The following INPP4A variants were observed in gnomAD, a reference collection of about 807,000 sequenced individuals.
INPP4A encodes the protein inositol polyphosphate-4-phosphatase, type I, 107kD.
INPP4A carries 33 observed loss-of-function variants against 119.8 expected under a neutral mutation model. The ratio of observed to expected loss-of-function variants is 0.28; its 90% CI spans 0.21 to 0.37. The LOEUF (loss-of-function observed/expected upper bound fraction) is 0.37. Ranked by LOEUF, INPP4A falls within the 10% of genes least tolerant of loss-of-function variation. INPP4A has a pLI of 1.00. For missense variants in INPP4A, 956 were observed against 1,289.9 expected, an observed-to-expected ratio of 0.74 and a Z score of 3.97; for synonymous variants, 496 against 500.7, an observed-to-expected ratio of 0.99 and a Z score of 0.12.
rs1173310435 is a variant in INPP4A at position 98,572,860 on chromosome 2, G to A, written c.2564G>A (p.Arg855Gln). Residue 855 changes from arginine to glutamine, a missense_variant, in exon 23 of 25, where the codon CGG (arginine) becomes CAG (glutamine). Transcript: ENST00000409851. ...CAGACGTGCCTGCCAGAGCTGCTGCGGTTTCTGGGTCAGAACGTGCATGCC... is the reference window on the plus strand; with the variant it reads ...CAGACGTGCCTGCCAGAGCTGCTGCAGTTTCTGGGTCAGAACGTGCATGCC... ...RSQTCLPELLRFLGQNVHARK... is the reference protein window; with the variant it reads ...RSQTCLPELLQFLGQNVHARK... 2.5e-6 allele frequency: 4 copies of A among 1,577,058 alleles called. No individual in the cohort carries two copies. Among genetic ancestry groups the A allele is most frequent in the South Asian group, 2.3e-5 (2 of 85,356 alleles).
chr2:98,514,446 C>T (rs1213985676), intron 1 of INPP4A, among the ~76,000 whole-genome samples: 1 of 152,062 alleles, frequency 6.6e-6, no homozygotes, highest in Admixed American at 6.5e-5. Context: ...TGGCTGGGGG[C>T]TCTTAAATTT....
intron 10 of INPP4A, among the ~76,000 whole-genome samples, chr2:98,543,110 CG>C (rs1335654160): frequency 6.6e-6 from 1 of 152,032 alleles, no homozygotes; most frequent in Non-Finnish European, 1.5e-5. Context: ...TTAGTAGAGA[CG>C]GGGTTTCACC....
intron 1 of INPP4A, among the ~76,000 whole-genome samples, chr2:98,505,323 A>G (rs1363973422): frequency 1.3e-5 from 2 of 152,030 alleles, no homozygotes; most frequent in African/African-American, 4.8e-5. Context: ...AGCCTTTGGG[A>G]CTGTTGTGTC....
At chr2:98,454,279 A>G (rs999169803) in intron 1 of INPP4A, among the ~76,000 whole-genome samples, 2 of 152,244 alleles carry the variant, frequency 1.3e-5, no homozygotes, top group East Asian at 3.8e-4. Flanking sequence ...CTGTCAGGAC[A>G]GTTCCCAAGG....
chr2:98,489,623 G>C (rs1680287620), intron 1 of INPP4A, among the ~76,000 whole-genome samples: 1 of 152,100 alleles, frequency 6.6e-6, no homozygotes, highest in South Asian at 2.1e-4. Flanking sequence ...GGACCCCTGA[G>C]GTCCCCTCTA....
intron 4 of INPP4A, among the ~76,000 whole-genome samples, chr2:98,527,940 A>ATT (rs1188355305): frequency 6.6e-6 from 1 of 152,240 alleles, no homozygotes; most frequent in Non-Finnish European, 1.5e-5. Context: ...GAGATCTCAC[A>ATT]TTATATTATT....
At chr2:98,557,132 G>A (rs1484697662) in intron 16 of INPP4A, among the ~76,000 whole-genome samples, 5 of 152,078 alleles carry the variant, frequency 3.3e-5, no homozygotes. Flanking sequence ...TAACTTAAGT[G>A]TCATTTTTTT....
intron 1 of INPP4A, among the ~76,000 whole-genome samples, chr2:98,517,935 T>C (rs1686455727): frequency 6.6e-6 from 1 of 152,230 alleles, no homozygotes; most frequent in African/African-American, 2.4e-5. Flanking sequence ...TGTATTCTCA[T>C]TGAAGAACAA....
intron 1 of INPP4A, among the ~76,000 whole-genome samples, chr2:98,507,271 G>A (rs937370222): frequency 2.0e-5 from 3 of 152,144 alleles, no homozygotes; most frequent in African/African-American, 4.8e-5. Flanking sequence ...TTGTGTTGGG[G>A]TTTGCTTGTG....
At chr2:98,501,623 A>G (rs1409717026) in intron 1 of INPP4A, among the ~76,000 whole-genome samples, 1 of 152,212 alleles carries the variant, frequency 6.6e-6, no homozygotes, top group African/African-American at 2.4e-5. Context: ...TTTTAGGAGC[A>G]AATGACAAAA....
intron 24 of INPP4A, 98 bp from the exon 25 acceptor site, chr2:98,587,378 T>A (rs1700063054): frequency 4.1e-6 from 5 of 1,214,962 alleles, no homozygotes; most frequent in Admixed American, 3.3e-5. Flanking sequence ...ATCTTTTTTT[T>A]AATGTTATGA....
In INPP4A at chr2:98,460,100, C is replaced by CGTGTGTGTGTGTGTGT. The variant is rs3066275; in HGVS notation, c.-166+15032_-166+15047dup. ...GTGCCACACCTTTGGGTTTGGTCATCGTGTGTGTGTGTGTGTGTGTGTGTG... is the reference window on the plus strand; with the variant it reads ...GTGCCACACCTTTGGGTTTGGTCATCGTGTGTGTGTGTGTGTGTGTGTGTGTGTGTGTGTGTGTGTG... On this transcript the variant is annotated intron_variant, in intron 1 of 24. Transcript: ENST00000409851. Among the ~76,000 whole-genome samples the CGTGTGTGTGTGTGTGT allele has an allele frequency of 1.4e-3, 212 of 147,106 alleles. 1 individual carries two copies. The highest frequency in any genetic ancestry group is 5.1e-3 in the African/African-American group (203 of 39,760).
intron 1 of INPP4A, among the ~76,000 whole-genome samples, chr2:98,492,182 A>G (rs985117818): frequency 1.3e-5 from 2 of 152,072 alleles, no homozygotes; most frequent in African/African-American, 4.8e-5. Flanking sequence ...AGCCACCGAC[A>G]ACTGCATTTT....
At chr2:98,472,374 C>A (rs530443466) in intron 1 of INPP4A, among the ~76,000 whole-genome samples, 17 of 152,340 alleles carry the variant, frequency 1.1e-4, no homozygotes, top group Admixed American at 9.1e-4. Flanking sequence ...ACTCGAGTCC[C>A]CCAGCAGATT....
intron 13 of INPP4A, chr2:98,548,899 A>T (rs551636553): frequency 2.6e-6 from 4 of 1,540,934 alleles, no homozygotes; most frequent in Non-Finnish European, 3.5e-6. Context: ...TTGTTTTTGC[A>T]TTTGGTATTT....
At position 98,469,099 on chromosome 2, in the gene INPP4A, A is replaced by T. The variant is rs151300401; in HGVS notation, c.-166+24014A>T. ...GCCTGCCCTCCACCCATGCTGTGCTAATTAGTGTAATCCTGGGTGGGGCCA... is the reference window on the plus strand; with the variant it reads ...GCCTGCCCTCCACCCATGCTGTGCTTATTAGTGTAATCCTGGGTGGGGCCA... On this transcript the variant is annotated intron_variant, in intron 1 of 24. Transcript: ENST00000409851. 2.0e-3 allele frequency among the ~76,000 whole-genome samples: 299 copies of T among 152,290 alleles called. 2 individuals are homozygous for T. Among genetic ancestry groups the T allele is most frequent in the African/African-American group, 6.9e-3 (285 of 41,546 alleles).
chr2:98,534,106 T>C lies in INPP4A; in HGVS notation c.270+611T>C, dbSNP rs983928447. Reference sequence around the variant, plus strand: ...AATTATCAAACTTAAACTGCATTTCTTCTTCTTCACCAGTTGTGCATTTTG... The same window carrying C: ...AATTATCAAACTTAAACTGCATTTCCTCTTCTTCACCAGTTGTGCATTTTG... On this transcript the variant is annotated intron_variant, in intron 5 of 24. Coordinates refer to ENST00000409851, the MANE Select transcript of INPP4A (RefSeq NM_001134225.2). 5.3e-5 allele frequency among the ~76,000 whole-genome samples: 8 copies of C among 152,346 alleles called. No individual in the cohort carries two copies. In the South Asian group the frequency reaches 6.2e-4, roughly 12 times the overall value.
intron 1 of INPP4A, among the ~76,000 whole-genome samples, chr2:98,514,437 G>A (rs1265484155): frequency 6.6e-6 from 1 of 152,134 alleles, no homozygotes; most frequent in African/African-American, 2.4e-5. Flanking sequence ...GATGACTGGT[G>A]GCTGGGGGCT....
intron 1 of INPP4A, among the ~76,000 whole-genome samples, chr2:98,500,885 A>G (rs930073226): frequency 6.6e-6 from 1 of 152,264 alleles, no homozygotes; most frequent in East Asian, 1.9e-4. Flanking sequence ...AGTTTGGCCA[A>G]GCAGAAAATC....
Sources: gnomAD v4.1 joint callset for allele counts (sites outside exome capture counted in the v4.1 genomes callset) on GRCh38, gnomAD v4.1.1 for gene constraint, MANE v1.5 for transcripts, NCBI Gene and HGNC (gene_info 2026-07-23, HGNC 2026-07-21) for gene names.